Variants in ZNF280C observed in about 807,000 individuals in gnomAD.
The protein encoded by ZNF280C is zinc finger protein 280C.
ZNF280C carries 14 observed loss-of-function variants against 53.6 expected under a neutral mutation model. That is an observed-to-expected ratio of 0.26 (90% CI 0.17 to 0.41). The LOEUF (loss-of-function observed/expected upper bound fraction) is 0.41. Among genes scored for constraint, ZNF280C ranks in the 10% least tolerant of loss-of-function variants. The probability of loss-of-function intolerance (pLI) is 1.00; values close to 1 mark genes in which losing one functional copy is unlikely to be tolerated. For missense variants in ZNF280C, 416 were observed against 547.1 expected (o/e 0.76, Z 2.39); for synonymous variants, 203 against 181.1 (o/e 1.12, Z -0.97).
intron 12 of ZNF280C, among the ~76,000 whole-genome samples, chrX:130,221,468 T>C (rs1472432907): frequency 2.7e-5 from 3 of 111,535 alleles, no homozygotes; most frequent in African/African-American, 9.8e-5. Context: ...GTATTTCAAA[T>C]CAACATGGAC....
chrX:130,252,466 A>G (rs768537720), intron 2 of ZNF280C, among the ~76,000 whole-genome samples: 9 of 111,868 alleles, frequency 8.0e-5, no homozygotes, highest in Non-Finnish European at 1.3e-4. Context: ...TCAGGCCTGT[A>G]ATCCCAGCAT....
intron 5 of ZNF280C, among the ~76,000 whole-genome samples, chrX:130,242,003 G>GGGC (rs1476526345): frequency 1.0e-5 from 1 of 95,465 alleles, no homozygotes; most frequent in Non-Finnish European, 2.1e-5. Context: ...GGGAAGCCGG[G>GGGC]GGGGGGCGGG....
At chrX:130,247,823 G>C (rs1411419992) in intron 2 of ZNF280C, among the ~76,000 whole-genome samples, 1 of 110,178 alleles carries the variant, frequency 9.1e-6, no homozygotes, top group African/African-American at 3.3e-5. Context: ...ACAGGGCAAA[G>C]CAGGCATGAG....
In ZNF280C at chrX:130,215,263, T is replaced by C. The variant is rs961526667; in HGVS notation, c.1909A>G (p.Ile637Val). The change falls in exon 15 of 19, where the codon ATA (isoleucine) becomes GTA (valine). Residue 637 changes from isoleucine to valine, a missense_variant. Transcript: ENST00000370978. ...KIKDFASHFS[I>V]YIHCSFCKYN... is the part of the protein sequence containing the mutation. ...TTGCAAAAACTGCAGTGGATGTATA[T>C]AGAAAAGTGGCTTGCAAAATCTTTT... is the stretch of plus-strand genomic sequence containing the variant. 7.5e-6 allele frequency: 9 copies of C among 1,201,467 alleles called. No individual in the cohort carries two copies. The highest frequency in any genetic ancestry group is 6.7e-5 in the Admixed American group (3 of 44,539).
chrX:130,246,904 G>A lies in ZNF280C; in HGVS notation c.133C>T (p.Leu45=), dbSNP rs767907349. The A allele has an allele frequency of 2.5e-6, 3 of 1,211,326 alleles. No homozygotes were observed. The highest frequency in any genetic ancestry group is 3.4e-6 in the Non-Finnish European group (3 of 895,201). ...EETQDEDDDE[L]IFVGEISSSK... ...CTTGATATCTCTCCAACAAAGATCA[G>A]TTCATCGTCATCCTCATCCTGAGTT... is the stretch of plus-strand genomic sequence containing the variant. The change falls in exon 3 of 19, where the codon CTG becomes TTG. Residue 45 remains leucine (L), a synonymous_variant. Coordinates refer to ENST00000370978, the MANE Select transcript of ZNF280C (RefSeq NM_017666.5).
rs768453615 is a variant in ZNF280C at position 130,203,856 on chromosome X, G to A, written c.*1121C>T. On this transcript the variant is annotated 3_prime_UTR_variant, in exon 19 of 19. Coordinates refer to ENST00000370978, the MANE Select transcript of ZNF280C (RefSeq NM_017666.5). ...TTGATATTCCTTGGACTGCATGCCT[G>A]CTAGAGGAAGATTAAAGAACAGCAG... is the stretch of plus-strand genomic sequence containing the variant. 1 of 111,131 alleles carries A rather than the reference G, an allele frequency of 9.0e-6. No homozygotes were observed. The highest frequency in any genetic ancestry group is 3.3e-5 in the African/African-American group (1 of 30,626). The allele number at this position is 111,131 out of a possible 1,213,427, so 9.2% of individuals were successfully genotyped here. A position where few individuals can be genotyped will look rare whatever the true frequency, so the allele number is the denominator to read the frequency against.
chrX:130,209,780 GACC>G lies in ZNF280C; in HGVS notation c.1980-68_1980-66del, dbSNP rs201917383. The G allele has an allele frequency of 7.2e-4, 654 of 912,362 alleles. No homozygotes were observed. The East Asian group carries it at 0.011, about 15-fold the overall frequency. 75.2% of individuals were successfully genotyped at this position (912,362 alleles called of 1,213,427 possible). ...TTATACAACACCATATTAATTTTCT[GACC>G]ACATTTCAAGCCAATGCTTAATTTC... On this transcript the variant is annotated intron_variant, in intron 15 of 18. Transcript: ENST00000370978.
intron 12 of ZNF280C, among the ~76,000 whole-genome samples, chrX:130,225,896 A>G (rs948717041): frequency 2.7e-5 from 3 of 112,125 alleles, no homozygotes; most frequent in Admixed American, 9.5e-5. Flanking sequence ...TGAGGAGGCA[A>G]AACTTGATTA....
At chrX:130,250,168 T>G (rs1460494265) in intron 2 of ZNF280C, among the ~76,000 whole-genome samples, 1 of 111,618 alleles carries the variant, frequency 9.0e-6, no homozygotes, top group African/African-American at 3.3e-5. Context: ...AAGAGACCAC[T>G]AAACACCCAC....
chrX:130,245,058 C>G (rs940127797), intron 3 of ZNF280C, among the ~76,000 whole-genome samples: 8 of 111,556 alleles, frequency 7.2e-5, no homozygotes, highest in African/African-American at 2.6e-4. Context: ...CTCTCCTTCC[C>G]CTGCCTTCAT....
chrX:130,259,662 A>G (rs1053653409), intron 2 of ZNF280C, among the ~76,000 whole-genome samples: 1 of 111,275 alleles, frequency 9.0e-6, no homozygotes, highest in Non-Finnish European at 1.9e-5. Flanking sequence ...TGTTTACTGT[A>G]TTTTTTTTTA....
chrX:130,239,856 T>C (rs1450755350), intron 5 of ZNF280C, among the ~76,000 whole-genome samples, 163 bp from the exon 6 acceptor site: 1 of 110,893 alleles, frequency 9.0e-6, no homozygotes, highest in Non-Finnish European at 1.9e-5. Flanking sequence ...GGGTGAGGAG[T>C]ATATGGGAAC....
At chrX:130,224,259 T>C (rs2032198270) in intron 12 of ZNF280C, among the ~76,000 whole-genome samples, 1 of 111,721 alleles carries the variant, frequency 9.0e-6, no homozygotes, top group African/African-American at 3.2e-5. Flanking sequence ...AGTGAGAATA[T>C]GGCCATCTAT....
intron 3 of ZNF280C, 102 bp from the exon 4 acceptor site, chrX:130,243,967 T>C: frequency 2.0e-6 from 1 of 508,961 alleles, no homozygotes; most frequent in African/African-American, 2.4e-5. Context: ...ATAATTGAAG[T>C]ATATTTCTTT....
Position 130,247,024 on chromosome X carries a change from G to A in ZNF280C, c.32-19C>T. The A allele has an allele frequency of 4.2e-6, 5 of 1,185,312 alleles. No homozygotes were observed. Among genetic ancestry groups the A allele is most frequent in the Non-Finnish European group, 5.7e-6 (5 of 882,280 alleles). ...GAAATGTCTAATTTTCAAGAGAAGAGAAGCTAACTTTATTTTCAAAGAGAA... is the reference window on the plus strand; with the variant it reads ...GAAATGTCTAATTTTCAAGAGAAGAAAAGCTAACTTTATTTTCAAAGAGAA... On this transcript the variant is annotated intron_variant, in intron 2 of 18. Coordinates refer to ENST00000370978, the MANE Select transcript of ZNF280C (RefSeq NM_017666.5).
At chrX:130,239,473 T>C (rs967256350) in intron 6 of ZNF280C, 109 bp downstream of exon 6, 2 of 424,335 alleles carry the variant, frequency 4.7e-6, no homozygotes, top group Non-Finnish European at 8.3e-6. Context: ...TGTTATAATA[T>C]ATGAAAAACT....
At chrX:130,229,861 G>A (rs1284745008) in intron 9 of ZNF280C, among the ~76,000 whole-genome samples, 1 of 111,937 alleles carries the variant, frequency 8.9e-6, no homozygotes, top group Non-Finnish European at 1.9e-5. Flanking sequence ...TTTTCAAAGG[G>A]CTTACTAAAA....
intron 12 of ZNF280C, 106 bp from the exon 13 acceptor site, chrX:130,220,586 AC>A: frequency 2.8e-6 from 2 of 715,358 alleles, no homozygotes; most frequent in Non-Finnish European, 3.9e-6. Context: ...CCAGAATTTT[AC>A]CATCTCCCAC....
chrX:130,252,655 G>C (rs1027218693), intron 2 of ZNF280C, among the ~76,000 whole-genome samples: 3 of 110,481 alleles, frequency 2.7e-5, no homozygotes, highest in Non-Finnish European at 3.8e-5. Flanking sequence ...AGGAGGCGGA[G>C]GTTGCAGTGA....
Sources: gnomAD v4.1 joint callset for allele counts (sites outside exome capture counted in the v4.1 genomes callset) on GRCh38, gnomAD v4.1.1 for gene constraint, MANE v1.5 for transcripts, NCBI Gene and HGNC (gene_info 2026-07-23, HGNC 2026-07-21) for gene names.